ELAVL2: variants seen among roughly 807,000 people sequenced by gnomAD.
ELAVL2 encodes ELAV-like protein 2.
Under a neutral mutation model 34.6 loss-of-function variants are expected in ELAVL2, and 4 were observed. That is an observed-to-expected ratio of 0.12 (90% CI 0.06 to 0.26). The LOEUF is 0.26. ELAVL2 is among the 10% of genes least tolerant of loss of function. ELAVL2 has a pLI of 1.00. For missense variants in ELAVL2, 432 were observed against 442.8 expected (o/e 0.98, Z 0.22); for synonymous variants, 193 against 154.8 (o/e 1.25, Z -1.83).
intron 2 of ELAVL2, among the ~76,000 whole-genome samples, chr9:23,753,013 C>A (rs1241840553): frequency 6.6e-6 from 1 of 152,164 alleles, no homozygotes; most frequent in Non-Finnish European, 1.5e-5. Flanking sequence ...TATTTGATTA[C>A]ATTTCCCAAC....
chr9:23,807,620 A>C (rs1319528279), intron 1 of ELAVL2, among the ~76,000 whole-genome samples: 7 of 152,306 alleles, frequency 4.6e-5, no homozygotes, highest in Admixed American at 3.9e-4. Context: ...GAAGGAACAC[A>C]ATATGGTAAA....
chr9:23,740,831 T>C (rs549053916), intron 2 of ELAVL2, among the ~76,000 whole-genome samples: 2 of 152,336 alleles, frequency 1.3e-5, no homozygotes, highest in Admixed American at 1.3e-4. Flanking sequence ...GCAGTTCTTA[T>C]GGCTAAAGCC....
chr9:23,818,128 C>G (rs1265051421), intron 1 of ELAVL2, among the ~76,000 whole-genome samples: 1 of 152,158 alleles, frequency 6.6e-6, no homozygotes, highest in Non-Finnish European at 1.5e-5. Flanking sequence ...GTGAAGACTT[C>G]TACACCTGTA....
Position 23,698,233 on chromosome 9 carries a change from C to T in ELAVL2, c.713+3146G>A, listed in dbSNP as rs1276660342. Among the ~76,000 whole-genome samples, 4 of 152,060 alleles carry T rather than the reference C, an allele frequency of 2.6e-5. No homozygotes were observed. The East Asian group carries it at 5.8e-4, about 22-fold the overall frequency. ...TTAAAGTTTAATTCTGATATCATGT[C>T]CCAAGAATATACTTAAGGGGCTTGA... On this transcript the variant is annotated intron_variant, in intron 5 of 6. Transcript: ENST00000397312.
intron 2 of ELAVL2, among the ~76,000 whole-genome samples, chr9:23,749,432 C>T (rs1008752972): frequency 1.2e-4 from 18 of 151,962 alleles, no homozygotes; most frequent in African/African-American, 4.1e-4. Flanking sequence ...ATTAGCATAA[C>T]GAGTGTTAGA....
chr9:23,780,834 A>G (rs1345008464), intron 1 of ELAVL2, among the ~76,000 whole-genome samples: 2 of 152,208 alleles, frequency 1.3e-5, no homozygotes, highest in Admixed American at 6.5e-5. Context: ...TCACAACACT[A>G]TGTAGCATTC....
chr9:23,844,656 T>C, the ELAVL2 span, among the ~76,000 whole-genome samples: 1 of 151,976 alleles, frequency 6.6e-6, no homozygotes, highest in Non-Finnish European at 1.5e-5. Flanking sequence ...AGCTGAGTTC[T>C]TAGTTCTTAA....
At chr9:23,797,598 G>A (rs1033788352) in intron 1 of ELAVL2, among the ~76,000 whole-genome samples, 8 of 152,176 alleles carry the variant, frequency 5.3e-5, no homozygotes, top group Admixed American at 2.6e-4. Flanking sequence ...CCAGGTGTAC[G>A]ATTTAGGTTT....
At chr9:23,831,276 A>T (rs1225008983), upstream of ELAVL2, among the ~76,000 whole-genome samples, 1 of 152,088 alleles carries the variant, frequency 6.6e-6, no homozygotes, top group Non-Finnish European at 1.5e-5. Context: ...GGCGCTCCGC[A>T]CGCCGCCCTG....
At chr9:23,834,767 A>G in the ELAVL2 span, among the ~76,000 whole-genome samples, 1 of 152,168 alleles carries the variant, frequency 6.6e-6, no homozygotes, top group Non-Finnish European at 1.5e-5. Context: ...GCATAAAATC[A>G]TCTATCTGCC....
At chr9:23,741,853 A>C (rs2049284212) in intron 2 of ELAVL2, among the ~76,000 whole-genome samples, 1 of 152,182 alleles carries the variant, frequency 6.6e-6, no homozygotes, top group African/African-American at 2.4e-5. Context: ...CCATCTTCTC[A>C]GTTTGCTGGC....
intron 2 of ELAVL2, among the ~76,000 whole-genome samples, chr9:23,752,831 T>C (rs2052482687): frequency 6.6e-6 from 1 of 151,706 alleles, no homozygotes; most frequent in Non-Finnish European, 1.5e-5. Flanking sequence ...AGGTAAATCT[T>C]TGTTCTAATT....
chr9:23,812,934 T>TCC (rs1564567541), intron 1 of ELAVL2, among the ~76,000 whole-genome samples: 1 of 152,078 alleles, frequency 6.6e-6, no homozygotes, highest in Non-Finnish European at 1.5e-5. Context: ...CATTGTTCCA[T>TCC]CCTAAGAAGC....
the ELAVL2 span, among the ~76,000 whole-genome samples, chr9:23,841,806 G>A: frequency 6.6e-6 from 1 of 152,112 alleles, no homozygotes; most frequent in East Asian, 1.9e-4. Context: ...ATGAACACTG[G>A]AAAATTTTCT....
At position 23,735,593 on chromosome 9, in the gene ELAVL2, TAATGG is replaced by T. The variant is rs2047689614; in HGVS notation, c.230-4473_230-4469del. ...CGTACCTGGCCCAAAGTCTTGATTT[TAATGG>T]CCTTGGTAGGGATTCTAGAACTTTT... On this transcript the variant is annotated intron_variant, in intron 2 of 6. Transcript: ENST00000397312. 2.6e-5 allele frequency: 4 copies of T among 152,376 alleles called. No homozygotes were observed. The East Asian group carries it at 7.7e-4, about 29-fold the overall frequency. The allele number at this position is 152,376 out of a possible 1,614,324, so 9.4% of individuals were successfully genotyped here.
chr9:23,711,520 G>T (rs1437352045), intron 3 of ELAVL2, among the ~76,000 whole-genome samples: 1 of 152,122 alleles, frequency 6.6e-6, no homozygotes, highest in Non-Finnish European at 1.5e-5. Flanking sequence ...AGTATTCCAA[G>T]CTTCCTGCTC....
At chr9:23,796,932 G>T (rs541153505) in intron 1 of ELAVL2, among the ~76,000 whole-genome samples, 1 of 152,134 alleles carries the variant, frequency 6.6e-6, no homozygotes, top group Non-Finnish European at 1.5e-5. Flanking sequence ...TAGTAAGGAT[G>T]CATTTGAGAG....
At chr9:23,758,197 C>T (rs1356168346) in intron 2 of ELAVL2, among the ~76,000 whole-genome samples, 2 of 152,030 alleles carry the variant, frequency 1.3e-5, no homozygotes, top group South Asian at 2.1e-4. Context: ...CTGCACAAGA[C>T]GGGTAATGCT....
At chr9:23,717,411 G>A (rs2042590417) in intron 3 of ELAVL2, among the ~76,000 whole-genome samples, 1 of 152,156 alleles carries the variant, frequency 6.6e-6, no homozygotes, top group South Asian at 2.1e-4. Flanking sequence ...ACTAAAGGGG[G>A]ATAAATGTAA....
Sources: allele counts gnomAD v4.1 joint callset (sites outside exome capture counted in the v4.1 genomes callset), GRCh38; gene constraint gnomAD v4.1.1; transcripts MANE v1.5; gene names NCBI Gene and HGNC (gene_info 2026-07-23, HGNC 2026-07-21).